The following GLT1D1 variants were observed in gnomAD, a reference collection of about 807,000 sequenced individuals.
GLT1D1 encodes glycosyltransferase 1 domain-containing protein 1.
GLT1D1 carries 21 observed loss-of-function variants against 28.7 expected under a neutral mutation model. The observed-to-expected ratio is 0.73, with a 90% CI of 0.52 to 1.05. The LOEUF is 1.05. Among genes scored for constraint, GLT1D1 ranks in the 50% least tolerant of loss-of-function variants. The probability of loss-of-function intolerance (pLI) is 0.00; values close to 1 mark genes in which losing one functional copy is unlikely to be tolerated. For missense variants in GLT1D1, 343 were observed against 330.6 expected (o/e 1.04, Z -0.29); for synonymous variants, 147 against 124.8 (o/e 1.18, Z -1.19).
intron 7 of GLT1D1, among the ~76,000 whole-genome samples, chr12:128,979,806 G>A (rs1403677403): frequency 2.0e-5 from 3 of 151,812 alleles, no homozygotes; most frequent in Non-Finnish European, 2.9e-5. Flanking sequence ...GGAGCATCCC[G>A]GCTTAGCCCA....
intron 1 of GLT1D1, among the ~76,000 whole-genome samples, chr12:128,872,765 C>G (rs879352818): frequency 6.6e-6 from 1 of 152,172 alleles, no homozygotes; most frequent in Non-Finnish European, 1.5e-5. Flanking sequence ...CACACTCACA[C>G]ACATACACAC....
intron 3 of GLT1D1, among the ~76,000 whole-genome samples, chr12:128,890,575 A>G (rs1340096461): frequency 6.6e-6 from 1 of 152,172 alleles, no homozygotes; most frequent in Non-Finnish European, 1.5e-5. Flanking sequence ...ACTTGAGGTC[A>G]GGAGTTCGAG....
Position 128,962,803 on chromosome 12 carries a change from G to A in GLT1D1, c.639+5160G>A, listed in dbSNP as rs535475241. 1.7e-3 allele frequency among the ~76,000 whole-genome samples: 255 copies of A among 152,248 alleles called. 3 individuals are homozygous for A. Among genetic ancestry groups the A allele is most frequent in the African/African-American group, 6.1e-3 (254 of 41,546 alleles). ...TGCAACCTCTGCCTCCCGGGTTCAA[G>A]TGATTATCCTGTCTCAGCCTCCCGA... On this transcript the variant is annotated intron_variant, in intron 7 of 7. Coordinates refer to ENST00000281703, the MANE Select transcript of GLT1D1 (RefSeq NM_144669.3).
intron 1 of GLT1D1, among the ~76,000 whole-genome samples, chr12:128,863,520 G>A (rs1956431615): frequency 1.3e-5 from 2 of 152,034 alleles, no homozygotes; most frequent in Admixed American, 1.3e-4. Context: ...TTACAGGCAT[G>A]TGCCACCGCA....
chr12:128,881,565 T>A (rs935855564), intron 2 of GLT1D1, among the ~76,000 whole-genome samples: 2,590 of 38,070 alleles, frequency 0.068, 62 homozygotes, highest in African/African-American at 0.081. Flanking sequence ...AAAAAAAATA[T>A]ATATATATAT....
At chr12:128,898,961 T>G (rs1869939059) in intron 3 of GLT1D1, among the ~76,000 whole-genome samples, 1 of 152,234 alleles carries the variant, frequency 6.6e-6, no homozygotes, top group Admixed American at 6.5e-5. Flanking sequence ...ATTTCTTGCT[T>G]TTGATTTTAT....
At chr12:128,855,223 T>TAAAAAA (rs771286662) in intron 1 of GLT1D1, among the ~76,000 whole-genome samples, 2 of 81,394 alleles carry the variant, frequency 2.5e-5, no homozygotes, top group African/African-American at 4.5e-5. Flanking sequence ...AGACTCCATC[T>TAAAAAA]AAAAAAAAAA....
intron 2 of GLT1D1, among the ~76,000 whole-genome samples, chr12:128,879,222 A>G (rs550479851): frequency 6.6e-6 from 1 of 152,256 alleles, no homozygotes; most frequent in African/African-American, 2.4e-5. Flanking sequence ...AACGTGTGCC[A>G]TGGTGGTTTG....
chr12:128,950,371 A>T (rs1876571903), intron 6 of GLT1D1, among the ~76,000 whole-genome samples: 1 of 152,206 alleles, frequency 6.6e-6, no homozygotes, highest in Non-Finnish European at 1.5e-5. Flanking sequence ...TGGCACCCTC[A>T]TTGAGAATCA....
intron 7 of GLT1D1, 85 bp from the exon 12 acceptor site, chr12:128,982,844 C>G (rs927623099): frequency 7.8e-7 from 1 of 1,278,708 alleles, no homozygotes. Context: ...AGGCCAGCAG[C>G]CAATGCAGAC....
At chr12:128,859,289 T>C (rs964386714) in intron 1 of GLT1D1, among the ~76,000 whole-genome samples, 2 of 152,136 alleles carry the variant, frequency 1.3e-5, no homozygotes, top group East Asian at 3.9e-4. Context: ...AGGCAGAGCG[T>C]CAACCAATGG....
chr12:128,957,486 T>C, intron 6 of GLT1D1, 59 bp from the exon 11 acceptor site: 1 of 1,191,546 alleles, frequency 8.4e-7, no homozygotes, highest in South Asian at 1.2e-5. Context: ...CTGACTCATC[T>C]TGCCGCAGAG....
chr12:128,853,739 GC>G, intron 1 of GLT1D1, 90 bp downstream of exon 1: 2 of 834,150 alleles, frequency 2.4e-6, no homozygotes, highest in Non-Finnish European at 2.9e-6. Flanking sequence ...GCTCAGCCAG[GC>G]CCCCTCCAGC....
At chr12:128,938,376 A>G (rs577319904) in intron 4 of GLT1D1, among the ~76,000 whole-genome samples, 9 of 152,340 alleles carry the variant, frequency 5.9e-5, no homozygotes, top group African/African-American at 2.2e-4. Context: ...ATTTCTAGGA[A>G]TTCTTTTAAA....
intron 7 of GLT1D1, among the ~76,000 whole-genome samples, chr12:128,959,376 G>C: frequency 7.1e-6 from 1 of 140,380 alleles, no homozygotes. Flanking sequence ...ACAAATTCCA[G>C]CACAAACAAG....
At chr12:128,927,723 C>T (rs769929252) in intron 4 of GLT1D1, among the ~76,000 whole-genome samples, 45 of 151,832 alleles carry the variant, frequency 3.0e-4, no homozygotes, top group Middle Eastern at 3.4e-3. Context: ...TCCGGCTGGG[C>T]GCACTGGCTC....
rs1352806687 is a variant in GLT1D1 at position 128,853,565 on chromosome 12, C to T, written c.-17C>T. Reference sequence around the variant, plus strand: ...GCGGCGGCGGGGCCGGTCGATGGCCCGGGCGGCGGCGGCGGCATGCGGCTC... The same window carrying T: ...GCGGCGGCGGGGCCGGTCGATGGCCTGGGCGGCGGCGGCGGCATGCGGCTC... On this transcript the variant is annotated 5_prime_UTR_variant, in exon 1 of 8. Coordinates refer to ENST00000281703, the MANE Select transcript of GLT1D1 (RefSeq NM_144669.3). The T allele has an allele frequency of 2.8e-6, 3 of 1,088,860 alleles. No homozygotes were observed. Among genetic ancestry groups the T allele is most frequent in the South Asian group, 3.4e-5 (1 of 29,248 alleles). 67.4% of individuals were successfully genotyped at this position (1,088,860 alleles called of 1,614,324 possible).
At chr12:128,953,848 C>T (rs916027645) in intron 6 of GLT1D1, among the ~76,000 whole-genome samples, 16 of 150,972 alleles carry the variant, frequency 1.1e-4, no homozygotes, top group Non-Finnish European at 7.4e-5. Flanking sequence ...CGGGATCAAG[C>T]GATTCTCCTG....
At chr12:128,880,301 C>T (rs909918609) in intron 2 of GLT1D1, among the ~76,000 whole-genome samples, 1 of 152,154 alleles carries the variant, frequency 6.6e-6, no homozygotes, top group African/African-American at 2.4e-5. Context: ...GAGCCCTCTG[C>T]AAAACCAACC....
Sources: gnomAD v4.1 joint callset for allele counts (sites outside exome capture counted in the v4.1 genomes callset) on GRCh38, gnomAD v4.1.1 for gene constraint, MANE v1.5 for transcripts, NCBI Gene and HGNC (gene_info 2026-07-23, HGNC 2026-07-21) for gene names.